Variants in SLA observed in about 807,000 individuals in gnomAD.
SLA encodes Src like adaptor.
In SLA, 16 loss-of-function variants were observed where a neutral mutation model predicts 30.3. The ratio of observed to expected loss-of-function variants is 0.53; its 90% confidence interval spans 0.36 to 0.80. The LOEUF (loss-of-function observed/expected upper bound fraction) is 0.80, where lower values mean the gene tolerates loss of function less well. Among genes scored for constraint, SLA ranks in the 30% least tolerant of loss-of-function variants. The pLI, the probability that SLA is intolerant of heterozygous loss-of-function variation, is 0.01. For synonymous variants in SLA, 143 were observed against 137.8 expected (o/e 1.04, Z -0.26); for missense variants, 310 against 345.2 (o/e 0.90, Z 0.81).
intron 2 of SLA, among the ~76,000 whole-genome samples, chr8:133,070,008 AAAAAAAAAAAAAAAAAAAG>A (rs1169217750): frequency 1.2e-4 from 13 of 112,792 alleles, no homozygotes; most frequent in African/African-American, 3.7e-4. Flanking sequence ...CTCCAAAAAA[AAAAAAAAAAAAAAAAAAAG>A]AAAGAAAGAA....
chr8:133,094,446 T>C (rs940900821), intron 1 of SLA, among the ~76,000 whole-genome samples: 5 of 152,010 alleles, frequency 3.3e-5, no homozygotes, highest in African/African-American at 1.2e-4. Context: ...TTCACTGTGT[T>C]AGCCAGGATG....
intron 1 of SLA, among the ~76,000 whole-genome samples, chr8:133,082,617 G>A (rs570265231): frequency 1.8e-4 from 27 of 152,240 alleles, no homozygotes; most frequent in Admixed American, 9.2e-4. Context: ...GCTTCCCCAC[G>A]TCACCGGAGT....
At chr8:133,099,903 C>T (rs1485617947) in intron 1 of SLA, among the ~76,000 whole-genome samples, 2 of 152,228 alleles carry the variant, frequency 1.3e-5, no homozygotes, top group Admixed American at 6.5e-5. Flanking sequence ...TCTCTCTCTG[C>T]ACCTGCCTTG....
rs1839035305 is a variant in SLA at position 133,044,972 on chromosome 8, T to C, written c.484+12A>G. 9.3e-6 allele frequency: 15 copies of C among 1,614,094 alleles called. No individual in the cohort carries two copies. Among genetic ancestry groups the C allele is most frequent in the Non-Finnish European group, 1.3e-5 (15 of 1,179,918 alleles). On this transcript the variant is annotated intron_variant, in intron 7 of 8. Coordinates refer to ENST00000338087, the MANE Select transcript of SLA (RefSeq NM_001045556.3). Reference sequence around the variant, plus strand: ...CCACCATCACAATCACTCCATATTGTATGTCTCTTACCAGAATAGTGGTTC... The same window carrying C: ...CCACCATCACAATCACTCCATATTGCATGTCTCTTACCAGAATAGTGGTTC...
intron 6 of SLA, among the ~76,000 whole-genome samples, chr8:133,046,136 G>C (rs1176706940): frequency 2.0e-5 from 3 of 152,172 alleles, no homozygotes; most frequent in Non-Finnish European, 4.4e-5. Flanking sequence ...GAAAGAATTG[G>C]ATGTAGGCCA....
chr8:133,060,497 G>A, intron 2 of SLA: 1 of 811,932 alleles, frequency 1.2e-6, no homozygotes, highest in Non-Finnish European at 1.8e-6. Flanking sequence ...GCCACAGCAG[G>A]GTTTGTGTGA....
chr8:133,083,544 G>C (rs908448030), intron 1 of SLA, among the ~76,000 whole-genome samples: 3 of 152,104 alleles, frequency 2.0e-5, no homozygotes, highest in African/African-American at 7.2e-5. Context: ...CTATGCTCTT[G>C]ATGCCACACC....
At chr8:133,096,597 G>A (rs200312393) in intron 1 of SLA, among the ~76,000 whole-genome samples, 4 of 152,258 alleles carry the variant, frequency 2.6e-5, no homozygotes, top group African/African-American at 4.8e-5. Flanking sequence ...TGAATGAATC[G>A]CTGTGGAAAA....
intron 2 of SLA, among the ~76,000 whole-genome samples, chr8:133,072,649 C>G (rs1031332871): frequency 6.6e-6 from 1 of 152,202 alleles, no homozygotes; most frequent in Non-Finnish European, 1.5e-5. Context: ...CCAGCAGCAT[C>G]TATTAATGCA....
At chr8:133,038,772 A>G (rs186233001) in intron 8 of SLA, 35 bp from the exon 9 acceptor site, 9 of 1,453,560 alleles carry the variant, frequency 6.2e-6, no homozygotes, top group South Asian at 3.4e-5. Context: ...AGAGAAAGGG[A>G]AAAAAAGAGA....
At chr8:133,046,635 C>A (rs940954393) in intron 6 of SLA, 1 of 152,252 alleles carries the variant, frequency 6.6e-6, no homozygotes, top group African/African-American at 2.4e-5. Flanking sequence ...TTACGACACC[C>A]ACCCTGGGTT....
In SLA at chr8:133,038,269, G is replaced by T; in HGVS notation, c.*255C>A. 1.9e-6 allele frequency: 1 copy of T among 526,304 alleles called. No individual in the cohort carries two copies. The highest frequency in any genetic ancestry group is 3.4e-6 in the Non-Finnish European group (1 of 291,312). 32.6% of individuals were successfully genotyped at this position (526,304 alleles called of 1,614,324 possible). On this transcript the variant is annotated 3_prime_UTR_variant, in exon 9 of 9. Coordinates refer to ENST00000338087, the MANE Select transcript of SLA (RefSeq NM_001045556.3). ...CAATGTGTGCATACATACATGCTGG[G>T]CTCTTCCAAGCATCGCCCGACATGT...
chr8:133,047,174 T>C (rs1232818036), intron 6 of SLA: 2 of 152,254 alleles, frequency 1.3e-5, no homozygotes, highest in Admixed American at 6.5e-5. Context: ...CTTGGGACCC[T>C]TGCTTTGCAT....
intron 2 of SLA, among the ~76,000 whole-genome samples, chr8:133,067,013 G>A (rs187054473): frequency 2.6e-5 from 4 of 152,290 alleles, no homozygotes; most frequent in East Asian, 1.9e-4. Context: ...TTTTCCCGCC[G>A]TGACTGTACC....
chr8:133,070,663 C>T (rs1236007398), intron 2 of SLA, among the ~76,000 whole-genome samples: 1 of 152,136 alleles, frequency 6.6e-6, no homozygotes, highest in African/African-American at 2.4e-5. Flanking sequence ...CTTTTTACTC[C>T]CACTCCTAAT....
chr8:133,052,302 A>G (rs1564121581), intron 3 of SLA, among the ~76,000 whole-genome samples: 1 of 152,246 alleles, frequency 6.6e-6, no homozygotes. Context: ...TCACGGTGGA[A>G]CAGTGCAGTC....
At chr8:133,050,943 G>A (rs769612255) in intron 3 of SLA, 28 bp from the exon 4 acceptor site, 1 of 1,373,990 alleles carries the variant, frequency 7.3e-7, no homozygotes, top group South Asian at 1.2e-5. Context: ...AGGGGGAAGG[G>A]GGCAAGGTGC....
chr8:133,084,478 A>G (rs1012824915), intron 1 of SLA, among the ~76,000 whole-genome samples: 7 of 152,216 alleles, frequency 4.6e-5, no homozygotes, highest in Non-Finnish European at 1.0e-4. Flanking sequence ...TGCCTCGGCT[A>G]TCACTCATGG....
At chr8:133,100,609 A>G (rs1405856277) in intron 1 of SLA, among the ~76,000 whole-genome samples, 1 of 152,200 alleles carries the variant, frequency 6.6e-6, no homozygotes, top group East Asian at 1.9e-4. Context: ...ACTATTTTTC[A>G]GAGAGAAACC....
Sources: gnomAD v4.1 joint callset for allele counts (sites outside exome capture counted in the v4.1 genomes callset) on GRCh38, gnomAD v4.1.1 for gene constraint, MANE v1.5 for transcripts, NCBI Gene and HGNC (gene_info 2026-07-23, HGNC 2026-07-21) for gene names.